PINX1: variants seen among roughly 807,000 people sequenced by gnomAD.
PINX1 encodes the protein PIN2/TERF1-interacting telomerase inhibitor 1.
A neutral mutation model predicts 25.4 loss-of-function variants in PINX1; 34 were observed. That is an observed-to-expected ratio of 1.34 (90% CI 1.02 to 1.78). The LOEUF (loss-of-function observed/expected upper bound fraction) is 1.78. Among genes scored for constraint, PINX1 ranks in the 40% most tolerant of loss-of-function variants. The probability of loss-of-function intolerance (pLI) is 0.00; values close to 1 mark genes in which losing one functional copy is unlikely to be tolerated. For missense variants in PINX1, 592 were observed against 404.9 expected (o/e 1.46, Z -3.97); for synonymous variants, 197 against 147.7 (o/e 1.33, Z -2.42).
intron 5 of PINX1, among the ~76,000 whole-genome samples, chr8:10,823,147 T>G (rs2129086678): frequency 6.6e-6 from 1 of 152,298 alleles, no homozygotes; most frequent in African/African-American, 2.4e-5. Context: ...GATTGAATGC[T>G]CCTCACTACC....
chr8:10,822,911 G>T (rs1409521662), intron 5 of PINX1, among the ~76,000 whole-genome samples: 1 of 152,156 alleles, frequency 6.6e-6, no homozygotes, highest in Non-Finnish European at 1.5e-5. Context: ...AAATTCATTT[G>T]CATTATTCAA....
At chr8:10,767,679 C>G (rs1801097544) in intron 6 of PINX1, among the ~76,000 whole-genome samples, 1 of 152,240 alleles carries the variant, frequency 6.6e-6, no homozygotes, top group South Asian at 2.1e-4. Flanking sequence ...ATCCCAGGCT[C>G]ATGAACAAGA....
chr8:10,813,073 G>C lies in PINX1; in HGVS notation c.471+7120C>G, dbSNP rs76353365. On this transcript the variant is annotated intron_variant, in intron 6 of 6. Transcript: ENST00000314787. ...TTGAATCAGGATTCTGTTATCAATG[G>C]TCAAAATGATGACAAGAATTACTGA... 3.2e-3 allele frequency among the ~76,000 whole-genome samples: 480 copies of C among 152,306 alleles called. 3 individuals carry two copies. The highest frequency in any genetic ancestry group is 0.011 in the African/African-American group (458 of 41,574).
At chr8:10,777,297 A>T (rs865918697) in intron 6 of PINX1, among the ~76,000 whole-genome samples, 2 of 152,204 alleles carry the variant, frequency 1.3e-5, no homozygotes, top group Admixed American at 6.5e-5. Context: ...AAAAGTCAGG[A>T]CCCACTTTCT....
At chr8:10,825,027 G>A (rs1224481189) in intron 5 of PINX1, among the ~76,000 whole-genome samples, 1 of 152,186 alleles carries the variant, frequency 6.6e-6, no homozygotes, top group African/African-American at 2.4e-5. Context: ...AAGAACGGAG[G>A]AAGCGGAAGA....
chr8:10,833,370 G>A (rs747717008), intron 2 of PINX1: 2 of 159,320 alleles, frequency 1.3e-5, no homozygotes, highest in Non-Finnish European at 2.7e-5. Context: ...AAAACCACTG[G>A]TCTTTTAAGG....
intron 5 of PINX1, among the ~76,000 whole-genome samples, chr8:10,823,607 T>G (rs1478234293): frequency 6.6e-6 from 1 of 152,092 alleles, no homozygotes; most frequent in Non-Finnish European, 1.5e-5. Context: ...TACAATAAAT[T>G]AGCTCAAGTT....
At chr8:10,801,801 T>C (rs1409128480) in intron 6 of PINX1, among the ~76,000 whole-genome samples, 1 of 152,178 alleles carries the variant, frequency 6.6e-6, no homozygotes, top group Non-Finnish European at 1.5e-5. Context: ...GTGAGCAATA[T>C]CTCAAGAATC....
chr8:10,790,602 G>C (rs1801893161), intron 6 of PINX1, among the ~76,000 whole-genome samples: 1 of 152,062 alleles, frequency 6.6e-6, no homozygotes, highest in African/African-American at 2.4e-5. Context: ...CTCCCAACAT[G>C]ACTCCACCAA....
Position 10,765,470 on chromosome 8 carries a change from T to C in PINX1, c.918A>G (p.Val306=), listed in dbSNP as rs558184376. ...RRGKKKLQKP[V]EIAEDATLEE... Reference sequence around the variant, plus strand: ...CTAGTGTAGCGTCCTCTGCTATCTCTACTGGTTTTTGCAGCTTTTTCTTCC... The same window carrying C: ...CTAGTGTAGCGTCCTCTGCTATCTCCACTGGTTTTTGCAGCTTTTTCTTCC... Residue 306 remains valine (V), a synonymous_variant, in exon 7 of 7, where the codon GTA becomes GTG. Transcript: ENST00000314787. 2.0e-4 allele frequency: 318 copies of C among 1,613,356 alleles called. 4 individuals are homozygous for C. In the South Asian group the frequency reaches 3.2e-3, roughly 16 times the overall value.
rs764442963 is a variant in PINX1 at position 10,834,686 on chromosome 8, T to A, written c.109A>T (p.Met37Leu). 6.2e-7 allele frequency: 1 copy of A among 1,613,618 alleles called. No individual in the cohort carries two copies. Among genetic ancestry groups the A allele is most frequent in the African/African-American group, 1.3e-5 (1 of 74,900 alleles). Residue 37 changes from methionine (M) to leucine (L), a missense_variant, in exon 2 of 7, where the codon ATG becomes TTG. Met to Leu is a conservative substitution (Grantham distance 15). Coordinates refer to ENST00000314787, the MANE Select transcript of PINX1 (RefSeq NM_017884.6). ...AATACCTTTCCTTTAGACCACCCCATCTTCTCTAGCATCCGCTGGCCAAAC... is the reference window on the plus strand; with the variant it reads ...AATACCTTTCCTTTAGACCACCCCAACTTCTCTAGCATCCGCTGGCCAAAC... ...SKFGQRMLEK[M>L]GWSKGKGLGA...
At chr8:10,789,893 T>C (rs1029978788) in intron 6 of PINX1, among the ~76,000 whole-genome samples, 1 of 152,188 alleles carries the variant, frequency 6.6e-6, no homozygotes, top group African/African-American at 2.4e-5. Flanking sequence ...AGGTCATGGT[T>C]TCTCTAGAGT....
intron 4 of PINX1, among the ~76,000 whole-genome samples, chr8:10,826,701 G>T (rs946441360): frequency 2.0e-5 from 3 of 152,140 alleles, no homozygotes; most frequent in Non-Finnish European, 4.4e-5. Flanking sequence ...CCACCGCAAT[G>T]GCCAAAACAA....
intron 6 of PINX1, among the ~76,000 whole-genome samples, chr8:10,817,793 G>C (rs575184205): frequency 6.6e-6 from 1 of 152,258 alleles, no homozygotes; most frequent in African/African-American, 2.4e-5. Context: ...AGGACTTGAG[G>C]AGCTCTGTCC....
At chr8:10,834,618 T>C in intron 2 of PINX1, 48 bp downstream of exon 2, 1 of 1,596,022 alleles carries the variant, frequency 6.3e-7, no homozygotes, top group Non-Finnish European at 8.5e-7. Context: ...CCCTAATTTC[T>C]AATCTCTTTT....
chr8:10,779,299 T>A (rs970305646), intron 6 of PINX1, among the ~76,000 whole-genome samples: 2 of 152,088 alleles, frequency 1.3e-5, no homozygotes, highest in Non-Finnish European at 2.9e-5. Flanking sequence ...AATAAATGTA[T>A]AAAATAACGA....
At chr8:10,815,915 C>A (rs577606279) in intron 6 of PINX1, among the ~76,000 whole-genome samples, 5 of 152,124 alleles carry the variant, frequency 3.3e-5, no homozygotes. Flanking sequence ...ATCATGGAAA[C>A]GACAATCGGC....
intron 6 of PINX1, among the ~76,000 whole-genome samples, chr8:10,807,506 A>G (rs576832991): frequency 3.5e-4 from 53 of 152,226 alleles, no homozygotes; most frequent in Non-Finnish European, 6.0e-4. Flanking sequence ...CTTCATACTG[A>G]AAGTTCTACC....
At chr8:10,836,572 A>G (rs893784019) in intron 1 of PINX1, among the ~76,000 whole-genome samples, 4 of 152,168 alleles carry the variant, frequency 2.6e-5, no homozygotes, top group Admixed American at 2.6e-4. Context: ...TATATAAAAC[A>G]AACTATAATG....
Sources: allele counts gnomAD v4.1 joint callset (sites outside exome capture counted in the v4.1 genomes callset), GRCh38; gene constraint gnomAD v4.1.1; transcripts MANE v1.5; gene names NCBI Gene and HGNC (gene_info 2026-07-23, HGNC 2026-07-21).